The following ADCY9 variants were observed in gnomAD, a reference collection of about 807,000 sequenced individuals.
The protein encoded by ADCY9 is adenylate cyclase 9.
A neutral mutation model predicts 101.5 loss-of-function variants in ADCY9; 50 were observed. That is an observed-to-expected ratio of 0.49 (90% CI 0.39 to 0.62). The LOEUF (loss-of-function observed/expected upper bound fraction) is 0.62, where lower values mean the gene tolerates loss of function less well. Ranked by LOEUF, ADCY9 falls within the 20% of genes least tolerant of loss-of-function variation. The pLI is 0.00. For missense variants in ADCY9, 1,662 were observed against 1,800.4 expected (o/e 0.92, Z 1.39); for synonymous variants, 905 against 769.3 (o/e 1.18, Z -2.92).
chr16:4,099,863 G>T (rs1188158158), intron 2 of ADCY9, among the ~76,000 whole-genome samples: 1 of 152,212 alleles, frequency 6.6e-6, no homozygotes, highest in Non-Finnish European at 1.5e-5. Context: ...ACCAGCCTAG[G>T]CAACATGGCA....
intron 2 of ADCY9, among the ~76,000 whole-genome samples, chr16:4,068,894 G>A (rs1002859205): frequency 6.6e-6 from 1 of 151,796 alleles, no homozygotes; most frequent in African/African-American, 2.4e-5. Context: ...CTTACAAATG[G>A]TTACAACTAT....
chr16:4,097,553 A>ATATATTTTTTTT (rs1382458827), intron 2 of ADCY9, among the ~76,000 whole-genome samples: 16 of 53,400 alleles, frequency 3.0e-4, no homozygotes, highest in East Asian at 1.5e-3. Flanking sequence ...ATATATATAT[A>ATATATTTTTTTT]TTTTTTTTTT....
chr16:4,044,934 C>T (rs535262313), intron 2 of ADCY9, among the ~76,000 whole-genome samples: 1 of 152,160 alleles, frequency 6.6e-6, no homozygotes, highest in African/African-American at 2.4e-5. Context: ...GGCTCCCGCA[C>T]GTGACTGCCA....
intron 2 of ADCY9, among the ~76,000 whole-genome samples, chr16:4,097,549 A>AT (rs71394654): frequency 0.041 from 1,965 of 47,872 alleles, 88 homozygotes; most frequent in African/African-American, 0.086. Context: ...ATATATATAT[A>AT]TATATTTTTT....
intron 2 of ADCY9, among the ~76,000 whole-genome samples, chr16:4,062,120 A>G (rs2056776988): frequency 1.3e-5 from 2 of 152,146 alleles, no homozygotes; most frequent in Non-Finnish European, 2.9e-5. Flanking sequence ...GGAGTTTGAA[A>G]CCAGCCTGGG....
At chr16:3,967,841 G>T (rs2056013350) in intron 10 of ADCY9, among the ~76,000 whole-genome samples, 1 of 151,584 alleles carries the variant, frequency 6.6e-6, no homozygotes, top group Admixed American at 6.6e-5. Flanking sequence ...GGGACTATAG[G>T]TGTGTGCCAC....
chr16:4,048,618 C>T (rs527289088), intron 2 of ADCY9, among the ~76,000 whole-genome samples: 8 of 152,266 alleles, frequency 5.3e-5, no homozygotes, highest in Admixed American at 2.6e-4. Flanking sequence ...ATAGGCCCCT[C>T]GGTGCACCTG....
intron 4 of ADCY9, 94 bp downstream of exon 4, chr16:3,993,312 T>G (rs1408852503): frequency 1.9e-6 from 3 of 1,560,028 alleles, no homozygotes; most frequent in Non-Finnish European, 1.7e-6. Flanking sequence ...GAGGAGTTAC[T>G]CTCAGAACTA....
chr16:4,072,782 C>T (rs561730365), intron 2 of ADCY9, among the ~76,000 whole-genome samples: 1 of 151,954 alleles, frequency 6.6e-6, no homozygotes, highest in Non-Finnish European at 1.5e-5. Flanking sequence ...TCCAAATTGT[C>T]GAAAACTAAA....
At chr16:4,055,524 ACT>A (rs1005545469) in intron 2 of ADCY9, among the ~76,000 whole-genome samples, 12 of 145,202 alleles carry the variant, frequency 8.3e-5, no homozygotes, top group African/African-American at 2.3e-4. Context: ...GCAGAGCAAG[ACT>A]CTGTCTCAAA....
In ADCY9 at chr16:3,963,097, C is replaced by CATATATATATATATATATAT. The variant is rs57326989; in HGVS notation, c.*2658_*2677dup. 8.3e-6 allele frequency: 1 copy of CATATATATATATATATATAT among 120,594 alleles called. No individual in the cohort carries two copies. The highest frequency in any genetic ancestry group is 1.4e-5 in the Non-Finnish European group (1 of 70,236). 7.5% of individuals were successfully genotyped at this position (120,594 alleles called of 1,614,324 possible). On this transcript the variant is annotated 3_prime_UTR_variant, in exon 11 of 11. Coordinates refer to ENST00000294016, the MANE Select transcript of ADCY9 (RefSeq NM_001116.4). ...GATAAAATTGTGTGTGCTTGTTTAC[C>CATATATATATATATATATAT]ATATATATATATATATATATATATA...
intron 3 of ADCY9, among the ~76,000 whole-genome samples, chr16:3,995,813 T>C (rs1229073534): frequency 1.3e-5 from 2 of 152,210 alleles, no homozygotes; most frequent in Admixed American, 1.3e-4. Context: ...CAGGGTTGTA[T>C]AGTTTGGGAA....
chr16:4,036,303 T>G (rs1196942258), intron 2 of ADCY9, among the ~76,000 whole-genome samples: 1 of 152,018 alleles, frequency 6.6e-6, no homozygotes, highest in African/African-American at 2.4e-5. Context: ...AGAATGCTTT[T>G]TCTTTGAAAG....
intron 2 of ADCY9, among the ~76,000 whole-genome samples, chr16:4,010,739 G>A (rs575951686): frequency 2.5e-4 from 38 of 152,312 alleles, no homozygotes; most frequent in Non-Finnish European, 4.0e-4. Flanking sequence ...GCCTCAGGAA[G>A]GAAGGGGCTG....
chr16:4,086,816 C>A (rs752044576), intron 2 of ADCY9, among the ~76,000 whole-genome samples: 3 of 151,964 alleles, frequency 2.0e-5, no homozygotes, highest in African/African-American at 7.2e-5. Flanking sequence ...TGCGCCACCA[C>A]GCCCGGCTAA....
chr16:3,999,854 C>T lies in ADCY9; in HGVS notation c.1885-6344G>A, dbSNP rs376051238. Among the ~76,000 whole-genome samples, 61 of 152,318 alleles carry T rather than the reference C, an allele frequency of 4.0e-4. No individual in the cohort carries two copies. In the South Asian group the frequency reaches 7.0e-3, roughly 18 times the overall value. On this transcript the variant is annotated intron_variant, in intron 3 of 10. Transcript: ENST00000294016. ...ATTTCAGGACGTGCACCCTACATTC[C>T]GGTCAAAATATATGGCACAAAGCTA...
intron 2 of ADCY9, among the ~76,000 whole-genome samples, chr16:4,014,776 G>C (rs980228609): frequency 8.4e-4 from 25 of 29,822 alleles, no homozygotes; most frequent in African/African-American, 1.5e-3. Flanking sequence ...GCATGTGCAC[G>C]CATTCTCTCT....
At chr16:3,954,829 C>A (rs929113147) in intron 5 of ADCY9, among the ~76,000 whole-genome samples, 2 of 152,294 alleles carry the variant, frequency 1.3e-5, no homozygotes, top group African/African-American at 4.8e-5. Context: ...GTGACAGAGC[C>A]ATTGGTTGGG....
intron 10 of ADCY9, among the ~76,000 whole-genome samples, chr16:3,971,259 G>A (rs997324350): frequency 4.6e-5 from 7 of 151,982 alleles, no homozygotes; most frequent in Non-Finnish European, 5.9e-5. Context: ...TGACTCTACC[G>A]GGAGAGGACT....
Sources: allele counts gnomAD v4.1 joint callset (sites outside exome capture counted in the v4.1 genomes callset), GRCh38; gene constraint gnomAD v4.1.1; transcripts MANE v1.5; gene names NCBI Gene and HGNC (gene_info 2026-07-23, HGNC 2026-07-21).